Variants in CNKSR2 observed in about 807,000 individuals in gnomAD.
CNKSR2 encodes the protein connector enhancer of kinase suppressor of Ras 2.
Under a neutral mutation model 84.4 loss-of-function variants are expected in CNKSR2, and 14 were observed. The observed-to-expected ratio is 0.17, with a 90% confidence interval of 0.11 to 0.26. The LOEUF (loss-of-function observed/expected upper bound fraction) is 0.26. Among genes scored for constraint, CNKSR2 ranks in the 10% least tolerant of loss-of-function variants. The pLI is 1.00. For missense variants in CNKSR2, 485 were observed against 771.2 expected (o/e 0.63, Z 4.40); for synonymous variants, 275 against 277.9 (o/e 0.99, Z 0.10).
chrX:21,498,336 A>T, intron 7 of CNKSR2, among the ~76,000 whole-genome samples: 1 of 111,487 alleles, frequency 9.0e-6, no homozygotes, highest in East Asian at 2.8e-4. Context: ...TATATATGCA[A>T]ACTGTTAGGC....
chrX:21,500,422 A>G (rs2091547380), intron 7 of CNKSR2, among the ~76,000 whole-genome samples: 1 of 111,429 alleles, frequency 9.0e-6, no homozygotes, highest in African/African-American at 3.2e-5. Flanking sequence ...TGCAGATTAC[A>G]TTACCATATT....
chrX:21,648,283 A>G (rs1381354174), intron 20 of CNKSR2, among the ~76,000 whole-genome samples: 2 of 111,865 alleles, frequency 1.8e-5, no homozygotes, highest in Non-Finnish European at 3.8e-5. Context: ...CAATTGGAAG[A>G]TTTTTACAAT....
At chrX:21,547,351 A>G (rs2092037184) in intron 11 of CNKSR2, among the ~76,000 whole-genome samples, 1 of 111,854 alleles carries the variant, frequency 8.9e-6, no homozygotes. Context: ...CACAATGGTA[A>G]AGGGATCAAT....
intron 4 of CNKSR2, among the ~76,000 whole-genome samples, chrX:21,469,010 C>T (rs754914103): frequency 8.9e-6 from 1 of 112,183 alleles, no homozygotes; most frequent in South Asian, 3.7e-4. Flanking sequence ...TGTTGGATCA[C>T]ATTAGGAATG....
intron 1 of CNKSR2, among the ~76,000 whole-genome samples, chrX:21,411,071 A>C (rs1280073429): frequency 1.8e-5 from 2 of 111,272 alleles, no homozygotes; most frequent in Non-Finnish European, 3.8e-5. Flanking sequence ...ATATTTAATA[A>C]GATGCATATG....
At chrX:21,386,455 G>C (rs891849140) in intron 1 of CNKSR2, among the ~76,000 whole-genome samples, 1 of 111,751 alleles carries the variant, frequency 8.9e-6, no homozygotes, top group Non-Finnish European at 1.9e-5. Context: ...AATATGGAGT[G>C]GTCAAGTTGA....
At chrX:21,420,493 G>A (rs1461294079) in intron 1 of CNKSR2, among the ~76,000 whole-genome samples, 1 of 111,694 alleles carries the variant, frequency 9.0e-6, no homozygotes, top group African/African-American at 3.3e-5. Flanking sequence ...GTAGTCAACC[G>A]CAGCTCCAGA....
intron 1 of CNKSR2, among the ~76,000 whole-genome samples, chrX:21,392,233 A>G (rs2090060973): frequency 8.9e-6 from 1 of 111,848 alleles, no homozygotes; most frequent in Admixed American, 9.5e-5. Flanking sequence ...CCCATTACCA[A>G]GTTCCAAAAC....
chrX:21,529,213 A>G (rs753102795), intron 10 of CNKSR2, among the ~76,000 whole-genome samples: 15 of 111,239 alleles, frequency 1.3e-4, no homozygotes, highest in African/African-American at 3.9e-4. Context: ...TCATGTGGTT[A>G]TGATTTTTTG....
intron 3 of CNKSR2, among the ~76,000 whole-genome samples, chrX:21,433,363 AT>A (rs1301906693): frequency 2.7e-5 from 3 of 111,545 alleles, no homozygotes; most frequent in African/African-American, 9.8e-5. Context: ...TTTGGAACAC[AT>A]AAAATAGTAT....
At chrX:21,472,799 A>G (rs1024819856) in intron 5 of CNKSR2, among the ~76,000 whole-genome samples, 2 of 111,411 alleles carry the variant, frequency 1.8e-5, no homozygotes, top group Non-Finnish European at 3.8e-5. Context: ...GATTTAAATG[A>G]TGAAAGAAAT....
intron 1 of CNKSR2, among the ~76,000 whole-genome samples, chrX:21,399,175 A>G (rs2090157245): frequency 9.0e-6 from 1 of 111,462 alleles, no homozygotes; most frequent in Non-Finnish European, 1.9e-5. Flanking sequence ...AGAATTTGGA[A>G]GTACAGAAAC....
chrX:21,405,911 T>C (rs1302019878), intron 1 of CNKSR2, among the ~76,000 whole-genome samples: 2 of 111,731 alleles, frequency 1.8e-5, no homozygotes, highest in African/African-American at 6.5e-5. Context: ...TCATTCATGA[T>C]TCCTGAGGCT....
At chrX:21,477,760 T>C (rs1037404852) in intron 5 of CNKSR2, among the ~76,000 whole-genome samples, 1 of 111,801 alleles carries the variant, frequency 8.9e-6, no homozygotes, top group African/African-American at 3.3e-5. Context: ...ACCTTGAGGA[T>C]GTGTTTAAGT....
intron 8 of CNKSR2, among the ~76,000 whole-genome samples, chrX:21,511,910 T>A (rs1307262720): frequency 9.0e-6 from 1 of 111,089 alleles, no homozygotes; most frequent in Non-Finnish European, 1.9e-5. Context: ...TCCCAAGGAA[T>A]TTGGCTTAAA....
At chrX:21,497,719 G>A (rs2091515559) in intron 6 of CNKSR2, 68 bp from the exon 7 acceptor site, 3 of 550,084 alleles carry the variant, frequency 5.5e-6, no homozygotes, top group African/African-American at 2.3e-5. Flanking sequence ...TTATATAAAC[G>A]AGGTTACAAT....
At chrX:21,596,352 C>A (rs2092450807) in intron 17 of CNKSR2, among the ~76,000 whole-genome samples, 1 of 111,572 alleles carries the variant, frequency 9.0e-6, no homozygotes, top group African/African-American at 3.3e-5. Flanking sequence ...GAGGTATTAG[C>A]CCTTTAATAA....
intron 13 of CNKSR2, among the ~76,000 whole-genome samples, chrX:21,580,802 A>G (rs1361827498): frequency 1.8e-5 from 2 of 111,485 alleles, no homozygotes; most frequent in East Asian, 5.6e-4. Context: ...CAGGTAGCAA[A>G]TCTGGTCCTC....
chrX:21,597,496 T>C (rs1328983194), intron 17 of CNKSR2, among the ~76,000 whole-genome samples: 1 of 112,244 alleles, frequency 8.9e-6, no homozygotes, highest in African/African-American at 3.2e-5. Flanking sequence ...ATACTGAATT[T>C]TATTTTAATT....
Sources: gnomAD v4.1 joint callset for allele counts (sites outside exome capture counted in the v4.1 genomes callset) on GRCh38, gnomAD v4.1.1 for gene constraint, MANE v1.5 for transcripts, NCBI Gene and HGNC (gene_info 2026-07-23, HGNC 2026-07-21) for gene names.